GRIN2A: variants seen among roughly 807,000 people sequenced by gnomAD.
The protein encoded by GRIN2A is glutamate ionotropic receptor NMDA type subunit 2A.
GRIN2A carries 22 observed loss-of-function variants against 113.4 expected under a neutral mutation model. That is an observed-to-expected ratio of 0.19 (90% confidence interval 0.14 to 0.28). GRIN2A has a LOEUF of 0.28. Ranked by LOEUF, GRIN2A falls within the 10% of genes least tolerant of loss-of-function variation. The probability of loss-of-function intolerance (pLI) is 1.00; values close to 1 mark genes in which losing one functional copy is unlikely to be tolerated. For missense variants in GRIN2A, 1,502 were observed against 1,887.0 expected, an observed-to-expected ratio of 0.80 and a Z score of 3.78; for synonymous variants, 827 against 738.4, an observed-to-expected ratio of 1.12 and a Z score of -1.94.
At chr16:10,020,332 G>A (rs1247113502) in intron 2 of GRIN2A, among the ~76,000 whole-genome samples, 1 of 152,088 alleles carries the variant, frequency 6.6e-6, no homozygotes. Flanking sequence ...GAAACTCTTT[G>A]GGCTCAGTTT....
intron 2 of GRIN2A, among the ~76,000 whole-genome samples, chr16:9,951,706 A>C (rs1567196472): frequency 6.6e-6 from 1 of 152,238 alleles, no homozygotes; most frequent in Non-Finnish European, 1.5e-5. Flanking sequence ...GAAGTGACAT[A>C]GAAAAAGAAA....
chr16:9,954,787 T>C (rs2045267578), intron 2 of GRIN2A, among the ~76,000 whole-genome samples: 1 of 152,184 alleles, frequency 6.6e-6, no homozygotes, highest in South Asian at 2.1e-4. Context: ...TCAAGTCCTC[T>C]CCAGACTTAA....
At chr16:10,109,557 G>A (rs1263065474) in intron 2 of GRIN2A, among the ~76,000 whole-genome samples, 1 of 150,982 alleles carries the variant, frequency 6.6e-6, no homozygotes, top group Non-Finnish European at 1.5e-5. Context: ...GTAACAAAAG[G>A]CAATGCATTA....
chr16:9,986,492 C>T (rs955708526), intron 2 of GRIN2A, among the ~76,000 whole-genome samples: 4 of 152,100 alleles, frequency 2.6e-5, no homozygotes, highest in East Asian at 1.9e-4. Flanking sequence ...GGGCCGAGTG[C>T]GGTGGCTCAC....
chr16:10,083,965 T>C (rs2048035274), intron 2 of GRIN2A, among the ~76,000 whole-genome samples: 1 of 152,012 alleles, frequency 6.6e-6, no homozygotes, highest in Non-Finnish European at 1.5e-5. Context: ...GAGCCAGGCA[T>C]GGGGCACATG....
chr16:9,789,523 C>A (rs1902461156), intron 11 of GRIN2A, among the ~76,000 whole-genome samples: 1 of 151,344 alleles, frequency 6.6e-6, no homozygotes, highest in South Asian at 2.1e-4. Flanking sequence ...GGAAAACAAA[C>A]CTTGGTTGAT....
intron 4 of GRIN2A, among the ~76,000 whole-genome samples, chr16:9,867,706 A>G (rs1367287754): frequency 6.6e-6 from 1 of 152,154 alleles, no homozygotes; most frequent in Non-Finnish European, 1.5e-5. Flanking sequence ...GGACACTACC[A>G]TTACCCAACT....
chr16:9,776,335 G>A (rs1901602911), intron 11 of GRIN2A, among the ~76,000 whole-genome samples: 1 of 151,148 alleles, frequency 6.6e-6, no homozygotes, highest in African/African-American at 2.4e-5. Context: ...TTGTCACTGG[G>A]AGGTGAGTTT....
chr16:10,077,308 G>A (rs1443930450), intron 2 of GRIN2A, among the ~76,000 whole-genome samples: 1 of 152,220 alleles, frequency 6.6e-6, no homozygotes, highest in Non-Finnish European at 1.5e-5. Flanking sequence ...AATACTAATA[G>A]GATGTGTAAC....
chr16:9,771,039 T>C (rs1440933467), intron 11 of GRIN2A, among the ~76,000 whole-genome samples: 1 of 152,214 alleles, frequency 6.6e-6, no homozygotes, highest in African/African-American at 2.4e-5. Context: ...TGCACTCCCA[T>C]CAACAATGAA....
chr16:9,981,805 T>G (rs1263445628), intron 2 of GRIN2A, among the ~76,000 whole-genome samples: 1 of 152,196 alleles, frequency 6.6e-6, no homozygotes, highest in African/African-American at 2.4e-5. Flanking sequence ...GTATTTATTT[T>G]TGAGACAGTC....
intron 2 of GRIN2A, among the ~76,000 whole-genome samples, chr16:10,157,046 T>C (rs558422445): frequency 6.6e-6 from 1 of 152,286 alleles, no homozygotes; most frequent in Non-Finnish European, 1.5e-5. Flanking sequence ...CTGAATATAA[T>C]GTTGATATCA....
At chr16:9,999,238 T>C (rs1427795521) in intron 2 of GRIN2A, among the ~76,000 whole-genome samples, 1 of 152,272 alleles carries the variant, frequency 6.6e-6, no homozygotes, top group South Asian at 2.1e-4. Context: ...CTGCCTGGGT[T>C]CAAATCCTGA....
intron 2 of GRIN2A, among the ~76,000 whole-genome samples, chr16:10,127,286 G>A (rs767008174): frequency 8.6e-5 from 13 of 151,620 alleles, no homozygotes; most frequent in Non-Finnish European, 1.8e-4. Flanking sequence ...GGTGTTTATT[G>A]GCTGTATGTT....
At position 9,963,727 on chromosome 16, in the gene GRIN2A, C is replaced by T. The variant is rs1327899191; in HGVS notation, c.415-25176G>A. 3.9e-5 allele frequency among the ~76,000 whole-genome samples: 6 copies of T among 152,280 alleles called. No individual in the cohort carries two copies. The East Asian group carries it at 7.7e-4, about 20-fold the overall frequency. On this transcript the variant is annotated intron_variant, in intron 2 of 12. Coordinates refer to ENST00000330684, the MANE Select transcript of GRIN2A (RefSeq NM_001134407.3). Reference sequence around the variant, plus strand: ...CTACAGGTTTATTAACCTTCAGCCTCTGTATATTTATTGAGAATCTGCTAT... The same window carrying T: ...CTACAGGTTTATTAACCTTCAGCCTTTGTATATTTATTGAGAATCTGCTAT...
At chr16:9,959,119 A>G (rs2045373492) in intron 2 of GRIN2A, among the ~76,000 whole-genome samples, 1 of 152,172 alleles carries the variant, frequency 6.6e-6, no homozygotes, top group Non-Finnish European at 1.5e-5. Flanking sequence ...ACTCATTCCT[A>G]TTCAAATATT....
intron 2 of GRIN2A, among the ~76,000 whole-genome samples, chr16:10,100,223 C>T (rs2048366674): frequency 6.6e-6 from 1 of 152,072 alleles, no homozygotes; most frequent in Non-Finnish European, 1.5e-5. Flanking sequence ...TTCCTATCAC[C>T]ATAGCAACGG....
intron 4 of GRIN2A, among the ~76,000 whole-genome samples, chr16:9,867,471 C>A (rs1226475293): frequency 6.6e-6 from 1 of 152,132 alleles, no homozygotes; most frequent in Non-Finnish European, 1.5e-5. Context: ...CTTTCTTCTC[C>A]CCTCTTTCAG....
intron 2 of GRIN2A, among the ~76,000 whole-genome samples, chr16:10,005,802 C>A (rs1405920238): frequency 6.6e-6 from 1 of 152,072 alleles, no homozygotes; most frequent in Non-Finnish European, 1.5e-5. Flanking sequence ...ACTTTTTAAA[C>A]CTAAGACAAA....
Sources: allele counts gnomAD v4.1 joint callset (sites outside exome capture counted in the v4.1 genomes callset), GRCh38; gene constraint gnomAD v4.1.1; transcripts MANE v1.5; gene names NCBI Gene and HGNC (gene_info 2026-07-23, HGNC 2026-07-21).